The following MALRD1 variants were observed in gnomAD, a reference collection of about 807,000 sequenced individuals.
The protein encoded by MALRD1 is MAM and LDL-receptor class A domain-containing protein 1.
In MALRD1, 247 loss-of-function variants were observed where a neutral mutation model predicts 242.1. That is an observed-to-expected ratio of 1.02 (90% CI 0.92 to 1.13). MALRD1 has a LOEUF of 1.13. Among genes scored for constraint, MALRD1 ranks in the 50% most tolerant of loss-of-function variants. MALRD1 has a pLI of 0.00. For synonymous variants in MALRD1, 995 were observed against 866.6 expected, an observed-to-expected ratio of 1.15 and a Z score of -2.60; for missense variants, 2,989 against 2,533.1, an observed-to-expected ratio of 1.18 and a Z score of -3.86.
intron 24 of MALRD1, among the ~76,000 whole-genome samples, chr10:19,346,322 G>A (rs1484153164): frequency 6.6e-6 from 1 of 152,126 alleles, no homozygotes; most frequent in Non-Finnish European, 1.5e-5. Context: ...CATCTGTGGG[G>A]TTATCTGCGT....
chr10:19,581,796 C>G (rs1307747807), intron 33 of MALRD1, among the ~76,000 whole-genome samples: 5 of 151,192 alleles, frequency 3.3e-5, no homozygotes, highest in African/African-American at 1.2e-4. Context: ...AATCGCCACA[C>G]TGACTTCCAC....
chr10:19,239,792 G>GA (rs2131740577), intron 18 of MALRD1, among the ~76,000 whole-genome samples: 1 of 152,020 alleles, frequency 6.6e-6, no homozygotes, highest in East Asian at 1.9e-4. Context: ...CTCCTTTTTT[G>GA]AAAATCAATT....
chr10:19,069,961 A>C (rs1835092223), intron 2 of MALRD1, among the ~76,000 whole-genome samples: 2 of 151,692 alleles, frequency 1.3e-5, no homozygotes, highest in South Asian at 4.2e-4. Flanking sequence ...TCTCCCTTTC[A>C]TTTCCCTTTT....
chr10:19,623,713 T>G (rs1246427812), intron 36 of MALRD1, among the ~76,000 whole-genome samples: 1 of 152,124 alleles, frequency 6.6e-6, no homozygotes, highest in African/African-American at 2.4e-5. Context: ...AAGGAACCAC[T>G]TCCCTCTCCC....
chr10:19,473,491 C>T (rs1042371779), intron 29 of MALRD1, among the ~76,000 whole-genome samples: 3 of 150,168 alleles, frequency 2.0e-5, no homozygotes, highest in Non-Finnish European at 4.4e-5. Flanking sequence ...TCTCCTTCCC[C>T]AGCCCCTGAT....
intron 21 of MALRD1, among the ~76,000 whole-genome samples, chr10:19,298,285 C>G (rs1330289319): frequency 6.6e-6 from 1 of 151,656 alleles, no homozygotes; most frequent in Non-Finnish European, 1.5e-5. Context: ...GAACTCACTA[C>G]TGCTAGAAAA....
chr10:19,474,518 G>GA (rs1836640399), intron 29 of MALRD1, among the ~76,000 whole-genome samples: 1 of 152,046 alleles, frequency 6.6e-6, no homozygotes, highest in African/African-American at 2.4e-5. Context: ...ACAGTCTGTT[G>GA]AACAATGTCT....
At chr10:19,113,471 A>G (rs1012009624) in intron 5 of MALRD1, among the ~76,000 whole-genome samples, 1 of 148,512 alleles carries the variant, frequency 6.7e-6, no homozygotes, top group African/African-American at 2.5e-5. Context: ...CCTCTCCTTC[A>G]TCCTCTCCCT....
At chr10:19,533,265 G>A (rs764456823) in intron 32 of MALRD1, among the ~76,000 whole-genome samples, 9 of 152,124 alleles carry the variant, frequency 5.9e-5, no homozygotes, top group African/African-American at 2.2e-4. Context: ...GTGACCTCAC[G>A]TCTTGATTTC....
intron 29 of MALRD1, among the ~76,000 whole-genome samples, chr10:19,482,341 C>G (rs963938268): frequency 6.6e-6 from 1 of 151,424 alleles, no homozygotes; most frequent in Non-Finnish European, 1.5e-5. Flanking sequence ...AGATAGATGA[C>G]AAGGAAAATT....
At position 19,269,743 on chromosome 10, in the gene MALRD1, G is replaced by A. The variant is rs574234341; in HGVS notation, c.3080-10304G>A. Among the ~76,000 whole-genome samples the A allele has an allele frequency of 2.6e-5, 4 of 152,266 alleles. No individual in the cohort carries two copies. In the South Asian group the frequency reaches 8.3e-4, roughly 32 times the overall value. Reference sequence around the variant, plus strand: ...GCTCTTCTCTTCAATGCAAGACATTGGACTTACTTGGTTTGTAAAATTTCC... The same window carrying A: ...GCTCTTCTCTTCAATGCAAGACATTAGACTTACTTGGTTTGTAAAATTTCC... On this transcript the variant is annotated intron_variant, in intron 19 of 39. Coordinates refer to ENST00000454679, the MANE Select transcript of MALRD1 (RefSeq NM_001142308.3).
intron 18 of MALRD1, among the ~76,000 whole-genome samples, chr10:19,230,854 A>G (rs1266862100): frequency 6.6e-6 from 1 of 152,200 alleles, no homozygotes; most frequent in Non-Finnish European, 1.5e-5. Flanking sequence ...GAGTGTTAAT[A>G]TATAGATTTT....
chr10:19,160,408 T>G (rs1834345975), intron 12 of MALRD1, among the ~76,000 whole-genome samples: 1 of 109,226 alleles, frequency 9.2e-6, no homozygotes, highest in Non-Finnish European at 1.8e-5. Flanking sequence ...ATCAAGGATA[T>G]TGGTCTAAAA....
chr10:19,693,504 A>T lies in MALRD1; in HGVS notation c.6314+950A>T, dbSNP rs1035130238. On this transcript the variant is annotated intron_variant, in intron 38 of 39. Coordinates refer to ENST00000454679, the MANE Select transcript of MALRD1 (RefSeq NM_001142308.3). ...CTTCAAAGAGAATAAAATGCCTAGG[A>T]ATCCAACTTACAAGGGATGTGAAGG... 5.2e-4 allele frequency among the ~76,000 whole-genome samples: 79 copies of T among 152,306 alleles called. 1 individual carries two copies. The highest frequency in any genetic ancestry group is 5.0e-4 in the Non-Finnish European group (34 of 68,036).
chr10:19,140,526 GGTGT>G (rs778477235), intron 10 of MALRD1, among the ~76,000 whole-genome samples: 6 of 111,504 alleles, frequency 5.4e-5, no homozygotes, highest in African/African-American at 1.6e-4. Flanking sequence ...AAACAAGTGG[GGTGT>G]GTGTGTGTGT....
chr10:19,483,802 A>G (rs2884447), intron 29 of MALRD1, among the ~76,000 whole-genome samples: 122,749 of 152,062 alleles, frequency 0.81, 49,916 homozygotes, highest in East Asian at 1. Flanking sequence ...AAATATTTCT[A>G]CTAAAAAAAA....
intron 18 of MALRD1, among the ~76,000 whole-genome samples, chr10:19,245,170 G>A (rs16918386): frequency 0.097 from 14,829 of 152,096 alleles, 927 homozygotes; most frequent in East Asian, 0.17. Context: ...CCTAGATTCC[G>A]CATGAGCTTA....
At chr10:19,078,416 C>T (rs1405215804) in intron 2 of MALRD1, among the ~76,000 whole-genome samples, 1 of 151,768 alleles carries the variant, frequency 6.6e-6, no homozygotes, top group Non-Finnish European at 1.5e-5. Flanking sequence ...TCCGCTTGAC[C>T]ATGGCGAAAA....
chr10:19,247,704 C>T (rs1165028956), intron 18 of MALRD1, among the ~76,000 whole-genome samples: 1 of 151,742 alleles, frequency 6.6e-6, no homozygotes, highest in African/African-American at 2.4e-5. Context: ...TCAAGGAAGT[C>T]AAATTTGAAG....
Sources: allele counts gnomAD v4.1 joint callset (sites outside exome capture counted in the v4.1 genomes callset), GRCh38; gene constraint gnomAD v4.1.1; transcripts MANE v1.5; gene names NCBI Gene and HGNC (gene_info 2026-07-23, HGNC 2026-07-21).